The following MECOM variants were observed in gnomAD, a reference collection of about 807,000 sequenced individuals.
The protein encoded by MECOM is histone-lysine N-methyltransferase MECOM.
In MECOM, 13 loss-of-function variants were observed where a neutral mutation model predicts 116.3. The observed-to-expected ratio is 0.11, with a 90% CI of 0.07 to 0.18. The LOEUF is 0.18. MECOM is among the 10% of genes least tolerant of loss of function. The pLI, the probability that MECOM is intolerant of heterozygous loss-of-function variation, is 1.00. For synonymous variants in MECOM, 528 were observed against 535.2 expected, an observed-to-expected ratio of 0.99 and a Z score of 0.19; for missense variants, 1,299 against 1,509.0, an observed-to-expected ratio of 0.86 and a Z score of 2.31.
At chr3:169,512,948 G>A (rs956391575) in intron 1 of MECOM, among the ~76,000 whole-genome samples, 4 of 152,206 alleles carry the variant, frequency 2.6e-5, no homozygotes, top group African/African-American at 9.7e-5. Context: ...CAGAAGCTCT[G>A]TACAAAAATT....
At chr3:169,598,120 GA>G (rs1767356151) in intron 1 of MECOM, among the ~76,000 whole-genome samples, 1 of 152,100 alleles carries the variant, frequency 6.6e-6, no homozygotes, top group Non-Finnish European at 1.5e-5. Flanking sequence ...TTACCAGGAT[GA>G]AAATATTAAA....
intron 10 of MECOM, among the ~76,000 whole-genome samples, chr3:169,103,472 A>G (rs1486145511): frequency 6.6e-6 from 1 of 152,210 alleles, no homozygotes; most frequent in African/African-American, 2.4e-5. Context: ...GTGCCATTAG[A>G]AAGCTCAAGA....
chr3:169,143,150 G>A (rs1738645319), intron 3 of MECOM, among the ~76,000 whole-genome samples: 1 of 151,812 alleles, frequency 6.6e-6, no homozygotes, highest in South Asian at 2.1e-4. Flanking sequence ...TTCCAGCAGG[G>A]TTATTTTTAA....
chr3:169,487,142 G>C (rs187517235), intron 1 of MECOM, among the ~76,000 whole-genome samples: 1 of 151,948 alleles, frequency 6.6e-6, no homozygotes, highest in Admixed American at 6.6e-5. Flanking sequence ...CAAAGGTGAA[G>C]AGAAGTTACT....
At chr3:169,588,167 T>C (rs66730523) in intron 1 of MECOM, among the ~76,000 whole-genome samples, 87,424 of 151,954 alleles carry the variant, frequency 0.58, 25,694 homozygotes, top group South Asian at 0.67. Flanking sequence ...ATCTTCTGTA[T>C]AATATTACAG....
intron 2 of MECOM, among the ~76,000 whole-genome samples, chr3:169,376,125 A>G (rs1195111509): frequency 5.3e-5 from 8 of 152,200 alleles, no homozygotes; most frequent in African/African-American, 1.7e-4. Flanking sequence ...ATAAAATTCA[A>G]CAGCCCTTCA....
intron 2 of MECOM, among the ~76,000 whole-genome samples, chr3:169,173,628 C>T (rs1400907050): frequency 1.3e-5 from 2 of 152,192 alleles, no homozygotes; most frequent in African/African-American, 2.4e-5. Flanking sequence ...AAATATTTCT[C>T]GTATCAAATG....
At chr3:169,586,533 T>C (rs542960849) in intron 1 of MECOM, among the ~76,000 whole-genome samples, 1 of 152,338 alleles carries the variant, frequency 6.6e-6, no homozygotes, top group South Asian at 2.1e-4. Context: ...CTCAGGCTAA[T>C]GAAATTTGGC....
In MECOM at chr3:169,090,300, C is replaced by T; in HGVS notation, c.3165-64G>A. On this transcript the variant is annotated intron_variant, in intron 14 of 16. Coordinates refer to ENST00000651503, the MANE Select transcript of MECOM (RefSeq NM_004991.4). ...TCATTTTTAAAATTGTAATTTGTTC[C>T]TTTATTATGTCTTCCCAACAACAGT... 2.8e-6 allele frequency: 4 copies of T among 1,418,648 alleles called. No individual in the cohort carries two copies. The South Asian group carries it at 5.4e-5, about 19-fold the overall frequency. 87.9% of individuals were successfully genotyped at this position (1,418,648 alleles called of 1,614,324 possible). A position where few individuals can be genotyped will look rare whatever the true frequency, so the allele number is the denominator to read the frequency against.
At chr3:169,407,933 C>T (rs1027875002) in intron 1 of MECOM, among the ~76,000 whole-genome samples, 1 of 152,188 alleles carries the variant, frequency 6.6e-6, no homozygotes, top group African/African-American at 2.4e-5. Flanking sequence ...GATCCATCTA[C>T]TTATTGGCCT....
chr3:169,122,287 A>G (rs1006474447), intron 6 of MECOM, among the ~76,000 whole-genome samples: 2 of 152,132 alleles, frequency 1.3e-5, no homozygotes, highest in Non-Finnish European at 1.5e-5. Flanking sequence ...CCATAAAACA[A>G]CTCCACACTG....
At chr3:169,538,882 T>C (rs888375882) in intron 1 of MECOM, among the ~76,000 whole-genome samples, 5 of 152,188 alleles carry the variant, frequency 3.3e-5, no homozygotes, top group Admixed American at 6.5e-5. Flanking sequence ...ATAGAGTTCT[T>C]ACATTTCATA....
At position 169,116,745 on chromosome 3, in the gene MECOM, T is replaced by A. The variant is rs1259330614; in HGVS notation, c.1133-6A>T. On this transcript the variant is annotated splice_region_variant and splice_polypyrimidine_tract_variant and intron_variant, in intron 7 of 16. Transcript: ENST00000651503. ...GGATTTATGGCAGACCTCACCTGTG[T>A]GCAAACAACAAAAAAGAATCTCAGG... 1.3e-6 allele frequency: 2 copies of A among 1,567,968 alleles called. No individual in the cohort carries two copies. Among genetic ancestry groups the A allele is most frequent in the African/African-American group, 1.4e-5 (1 of 72,902 alleles).
chr3:169,663,253 G>T (rs866951925), intron 1 of MECOM, 83 bp downstream of exon 1: 1 of 1,509,736 alleles, frequency 6.6e-7, no homozygotes. Flanking sequence ...GGCAGCCCGC[G>T]CTCCCTCCCG....
At chr3:169,403,389 A>G (rs1476493505) in intron 1 of MECOM, among the ~76,000 whole-genome samples, 2 of 152,244 alleles carry the variant, frequency 1.3e-5, no homozygotes, top group Admixed American at 6.5e-5. Flanking sequence ...TTTAGGTCCA[A>G]CATCCCAAGA....
At chr3:169,644,414 G>A (rs975164758) in intron 1 of MECOM, among the ~76,000 whole-genome samples, 1 of 151,854 alleles carries the variant, frequency 6.6e-6, no homozygotes, top group East Asian at 1.9e-4. Context: ...ATGACACCAC[G>A]CCTGGCTAAT....
intron 2 of MECOM, among the ~76,000 whole-genome samples, chr3:169,273,773 T>G (rs999103791): frequency 6.6e-6 from 1 of 152,140 alleles, no homozygotes; most frequent in African/African-American, 2.4e-5. Flanking sequence ...AAGTTCCTAC[T>G]TACTGGCAAT....
intron 1 of MECOM, among the ~76,000 whole-genome samples, chr3:169,504,193 TTAAA>T (rs1754923109): frequency 3.3e-5 from 2 of 60,910 alleles, no homozygotes; most frequent in Non-Finnish European, 7.9e-5. Context: ...GTGTGTGTGT[TTAAA>T]TTAAATGGCT....
intron 1 of MECOM, among the ~76,000 whole-genome samples, chr3:169,504,698 G>A (rs907334146): frequency 6.6e-6 from 1 of 152,130 alleles, no homozygotes; most frequent in African/African-American, 2.4e-5. Context: ...GGATAGCAAT[G>A]ACAAGTGAAT....
Sources: allele counts gnomAD v4.1 joint callset (sites outside exome capture counted in the v4.1 genomes callset), GRCh38; gene constraint gnomAD v4.1.1; transcripts MANE v1.5; gene names NCBI Gene and HGNC (gene_info 2026-07-23, HGNC 2026-07-21).